The following ZFHX3 variants were observed in gnomAD, a reference collection of about 807,000 sequenced individuals.
The protein encoded by ZFHX3 is zinc finger homeobox 3, also known as zinc finger homeobox protein 3.
Under a neutral mutation model 279.1 loss-of-function variants are expected in ZFHX3, and 42 were observed. The observed-to-expected ratio is 0.15, with a 90% CI of 0.12 to 0.19. The LOEUF is 0.19. ZFHX3 is among the 10% of genes least tolerant of loss of function. The pLI, the probability that ZFHX3 is intolerant of heterozygous loss-of-function variation, is 1.00. For synonymous variants in ZFHX3, 2,293 were observed against 1,957.8 expected (o/e 1.17, Z -4.52); for missense variants, 4,981 against 4,754.0 (o/e 1.05, Z -1.40).
intron 5 of ZFHX3, 36 bp from the exon 6 acceptor site, chr16:72,812,074 A>G: frequency 6.2e-7 from 1 of 1,607,794 alleles, no homozygotes; most frequent in Non-Finnish European, 8.5e-7. Flanking sequence ...TACAGCAGCC[A>G]GACCAGGCCA....
chr16:73,357,823 C>T (rs1054679833), intron 3 of ZFHX3, among the ~76,000 whole-genome samples: 2 of 152,172 alleles, frequency 1.3e-5, no homozygotes, highest in Admixed American at 1.3e-4. Flanking sequence ...TGGAATTGCC[C>T]ATTTCCCTCT....
intron 1 of ZFHX3, among the ~76,000 whole-genome samples, chr16:73,877,759 C>G (rs2030000902): frequency 6.6e-6 from 1 of 151,870 alleles, no homozygotes; most frequent in South Asian, 2.1e-4. Flanking sequence ...AAAGTTTTAG[C>G]AAAATATTTT....
At chr16:73,831,533 C>T (rs957105109) in intron 1 of ZFHX3, among the ~76,000 whole-genome samples, 3 of 152,220 alleles carry the variant, frequency 2.0e-5, no homozygotes, top group Non-Finnish European at 4.4e-5. Context: ...TATTAACATT[C>T]ACGGGAATGG....
intron 2 of ZFHX3, among the ~76,000 whole-genome samples, chr16:73,508,303 T>C (rs974009959): frequency 6.6e-6 from 1 of 152,190 alleles, no homozygotes; most frequent in African/African-American, 2.4e-5. Context: ...GATCCAGTAT[T>C]GACTGCCCTT....
At chr16:73,350,010 G>A (rs2016208954) in intron 3 of ZFHX3, among the ~76,000 whole-genome samples, 2 of 149,832 alleles carry the variant, frequency 1.3e-5, no homozygotes, top group African/African-American at 4.9e-5. Context: ...TCTTTATTCT[G>A]GAATAAAGAA....
intron 3 of ZFHX3, among the ~76,000 whole-genome samples, chr16:73,340,528 G>GT (rs1173350235): frequency 5.9e-5 from 9 of 152,210 alleles, no homozygotes; most frequent in African/African-American, 1.7e-4. Flanking sequence ...AGCTACTTTG[G>GT]TTTTTTTGTG....
In ZFHX3 at chr16:73,359,747, C is replaced by T. The variant is rs1329340005; in HGVS notation, c.-1290-41411G>A. 3.3e-5 allele frequency among the ~76,000 whole-genome samples: 5 copies of T among 152,148 alleles called. No individual in the cohort carries two copies. The South Asian group carries it at 6.2e-4, about 19-fold the overall frequency. On this transcript the variant is annotated intron_variant, in intron 3 of 17. Coordinates refer to the ZFHX3 transcript ENST00000641206. ...CATTACCCACAAGTCACTGAAGCCC[C>T]GAGGCATGAGTGTTTGCAAGTTGGT...
At chr16:73,738,560 G>C (rs1314639165) in intron 1 of ZFHX3, among the ~76,000 whole-genome samples, 3 of 152,256 alleles carry the variant, frequency 2.0e-5, no homozygotes, top group Admixed American at 6.5e-5. Context: ...AAGGCTGAAT[G>C]ATGAAGGAAT....
rs765828181 is a variant in ZFHX3, at chr16:72,787,969, G to C, written c.10307C>G (p.Pro3436Arg). The change falls in exon 10 of 10, where the codon CCG (proline) becomes CGG (arginine). Residue 3436 changes from proline to arginine, a missense_variant. Physicochemically the swap from Pro to Arg is moderately radical, Grantham distance 103 (BLOSUM62 -2). Transcript: ENST00000268489. ...TGCTTCTGGCTCTTCAGGGAGTTTCGGCAGGAGGGGGGACACCTCACGGGG... is the reference window on the plus strand; with the variant it reads ...TGCTTCTGGCTCTTCAGGGAGTTTCCGCAGGAGGGGGGACACCTCACGGGG... The part of the protein sequence containing the change: ...NTPREVSPLL[P>R]KLPEEPEAES... 22 of 1,613,612 alleles carry C rather than the reference G, an allele frequency of 1.4e-5. No individual in the cohort carries two copies. The highest frequency in any genetic ancestry group is 1.8e-5 in the Non-Finnish European group (21 of 1,179,934).
At chr16:73,548,552 G>A (rs143162253) in intron 2 of ZFHX3, among the ~76,000 whole-genome samples, 9 of 151,084 alleles carry the variant, frequency 6.0e-5, no homozygotes, top group East Asian at 1.9e-4. Context: ...ATTAATGCTC[G>A]TATACAAAGA....
chr16:73,184,493 G>A (rs1363851990), intron 5 of ZFHX3, among the ~76,000 whole-genome samples: 2 of 152,176 alleles, frequency 1.3e-5, no homozygotes, highest in African/African-American at 4.8e-5. Flanking sequence ...GAGGTGCTCT[G>A]CCACTGCCCA....
chr16:73,264,652 G>C (rs968378241), intron 4 of ZFHX3, among the ~76,000 whole-genome samples: 1 of 151,512 alleles, frequency 6.6e-6, no homozygotes, highest in African/African-American at 2.4e-5. Context: ...TTCTTTAGCC[G>C]TGATTTGTGA....
chr16:72,835,062 G>A (rs1232785613), intron 4 of ZFHX3, among the ~76,000 whole-genome samples: 2 of 152,230 alleles, frequency 1.3e-5, no homozygotes, highest in South Asian at 4.1e-4. Context: ...ATCTGTACCC[G>A]AGGCTCTCAC....
intron 3 of ZFHX3, among the ~76,000 whole-genome samples, chr16:72,895,786 C>G (rs919683197): frequency 6.6e-6 from 1 of 152,150 alleles, no homozygotes; most frequent in Non-Finnish European, 1.5e-5. Flanking sequence ...ATCACACCAG[C>G]GTACTCCACC....
chr16:73,694,107 G>C (rs536829190), intron 1 of ZFHX3, among the ~76,000 whole-genome samples: 8 of 151,948 alleles, frequency 5.3e-5, no homozygotes, highest in African/African-American at 1.9e-4. Context: ...CAAATCACTT[G>C]AGGTCAGGAG....
chr16:73,576,168 A>G (rs576554636), intron 2 of ZFHX3, among the ~76,000 whole-genome samples: 1 of 152,290 alleles, frequency 6.6e-6, no homozygotes, highest in South Asian at 2.1e-4. Context: ...TTGTTAAAAA[A>G]CAATCCCCAT....
intron 7 of ZFHX3, among the ~76,000 whole-genome samples, chr16:73,124,181 A>G (rs1189509361): frequency 6.6e-6 from 1 of 152,156 alleles, no homozygotes; most frequent in Non-Finnish European, 1.5e-5. Context: ...AAAATACCAT[A>G]AACTGGGTAG....
intron 4 of ZFHX3, among the ~76,000 whole-genome samples, chr16:73,288,040 A>G (rs1448405641): frequency 6.6e-6 from 1 of 151,876 alleles, no homozygotes; most frequent in African/African-American, 2.4e-5. Context: ...GCCGGCGGAG[A>G]TGGACTGCCT....
At chr16:73,489,478 T>G (rs1441973782) in intron 2 of ZFHX3, among the ~76,000 whole-genome samples, 1 of 152,214 alleles carries the variant, frequency 6.6e-6, no homozygotes. Context: ...GCACTAAGAT[T>G]TGCCTTTCGA....
Sources: gnomAD v4.1 joint callset for allele counts (sites outside exome capture counted in the v4.1 genomes callset) on GRCh38, gnomAD v4.1.1 for gene constraint, MANE v1.5 for transcripts, NCBI Gene and HGNC (gene_info 2026-07-23, HGNC 2026-07-21) for gene names.